POLA1: variants seen among roughly 807,000 people sequenced by gnomAD.
The protein encoded by POLA1 is DNA polymerase alpha catalytic subunit.
Under a neutral mutation model 124.0 loss-of-function variants are expected in POLA1, and 15 were observed. The observed-to-expected ratio is 0.12, with a 90% CI of 0.08 to 0.19. The LOEUF (loss-of-function observed/expected upper bound fraction) is 0.19. POLA1 is among the 10% of genes least tolerant of loss of function. POLA1 has a pLI of 1.00. For missense variants in POLA1, 886 were observed against 1,103.4 expected, an observed-to-expected ratio of 0.80 and a Z score of 2.79; for synonymous variants, 408 against 389.4, an observed-to-expected ratio of 1.05 and a Z score of -0.56.
intron 4 of POLA1, among the ~76,000 whole-genome samples, chrX:24,711,315 T>C (rs1422469083): frequency 8.9e-6 from 1 of 112,687 alleles, no homozygotes; most frequent in Non-Finnish European, 1.9e-5. Flanking sequence ...GATAATGTTA[T>C]AGAGGTTTTG....
chrX:24,807,515 G>T (rs1377072871), intron 26 of POLA1, among the ~76,000 whole-genome samples: 1 of 112,143 alleles, frequency 8.9e-6, no homozygotes, highest in Non-Finnish European at 1.9e-5. Context: ...TGAAGTTGGG[G>T]AGAGTGACTG....
intron 36 of POLA1, among the ~76,000 whole-genome samples, chrX:24,990,672 A>C (rs1667614056): frequency 8.9e-6 from 1 of 112,447 alleles, no homozygotes; most frequent in Non-Finnish European, 1.9e-5. Flanking sequence ...CATGCTTGTT[A>C]TTGTATTTAC....
At chrX:24,738,498 A>G (rs1233122446) in intron 19 of POLA1, among the ~76,000 whole-genome samples, 2 of 111,784 alleles carry the variant, frequency 1.8e-5, no homozygotes, top group Non-Finnish European at 3.8e-5. Flanking sequence ...GGAAAAAAGA[A>G]GGCAATAAAC....
At chrX:24,734,589 A>G (rs1931148788) in intron 17 of POLA1, among the ~76,000 whole-genome samples, 1 of 111,588 alleles carries the variant, frequency 9.0e-6, no homozygotes, top group African/African-American at 3.3e-5. Flanking sequence ...TAACCAGGTA[A>G]AATGACCTAG....
chrX:24,981,713 T>C (rs1203440926), intron 36 of POLA1, among the ~76,000 whole-genome samples: 1 of 112,409 alleles, frequency 8.9e-6, no homozygotes, highest in Non-Finnish European at 1.9e-5. Context: ...AAATTGTATA[T>C]GTCCATGTAA....
chrX:24,732,461 A>ATT lies in POLA1; in HGVS notation c.1771+15_1771+16dup. On this transcript the variant is annotated splice_region_variant and intron_variant, in intron 16 of 36. Transcript: ENST00000379068. ...TTTCAGTCACACTTCTGTGGTATGT[A>ATT]TTTTTTTTTAAGCTGGCTTACTAAC... is the stretch of plus-strand genomic sequence containing the variant. The ATT allele has an allele frequency of 9.3e-7, 1 of 1,070,681 alleles. No individual in the cohort carries two copies. 88.2% of individuals were successfully genotyped at this position (1,070,681 alleles called of 1,213,427 possible).
intron 26 of POLA1, among the ~76,000 whole-genome samples, chrX:24,809,670 A>G (rs1487450544): frequency 9.0e-6 from 1 of 111,204 alleles, no homozygotes; most frequent in African/African-American, 3.3e-5. Context: ...TGTGTTAAAC[A>G]TATATATGTA....
chrX:24,740,106 A>G (rs1034020274), intron 20 of POLA1, among the ~76,000 whole-genome samples: 2 of 111,334 alleles, frequency 1.8e-5, no homozygotes, highest in East Asian at 5.6e-4. Flanking sequence ...TACCTATTTT[A>G]CTTGATATCT....
chrX:24,833,175 T>A (rs1365205329), intron 32 of POLA1, among the ~76,000 whole-genome samples: 1 of 111,790 alleles, frequency 8.9e-6, no homozygotes, highest in African/African-American at 3.3e-5. Flanking sequence ...TTTCCATTCC[T>A]AAGTTATTTC....
intron 16 of POLA1, among the ~76,000 whole-genome samples, chrX:24,733,325 T>C (rs1401113765): frequency 1.1e-4 from 12 of 112,399 alleles, no homozygotes; most frequent in Non-Finnish European, 1.7e-4. Flanking sequence ...ACTTCCTCTA[T>C]GTACGTCACT....
At position 24,995,787 on chromosome X, in the gene POLA1, C is replaced by A; in HGVS notation, c.4262-18C>A. On this transcript the variant is annotated intron_variant, in intron 36 of 36. Transcript: ENST00000379068. ...AGAAACTACCTGAGACTTCTAATCTCTCTCTCTCTCTTTTTAGATAAATTG... is the reference window on the plus strand; with the variant it reads ...AGAAACTACCTGAGACTTCTAATCTATCTCTCTCTCTTTTTAGATAAATTG... The A allele has an allele frequency of 8.4e-7, 1 of 1,183,714 alleles. No individual in the cohort carries two copies. The highest frequency in any genetic ancestry group is 1.7e-5 in the African/African-American group (1 of 57,150).
rs753722200 is a variant in POLA1, at chrX:24,851,960, G to A, written c.4047+8283G>A. Among the ~76,000 whole-genome samples the A allele has an allele frequency of 3.6e-3, 405 of 112,581 alleles. 1 individual carries two copies. The highest frequency in any genetic ancestry group is 0.012 in the African/African-American group (368 of 31,036). On this transcript the variant is annotated intron_variant, in intron 34 of 36. Transcript: ENST00000379068. ...GGACTATCAGTTCTCTGCTGCATGC[G>A]TCAACAAGAGATGGGAGGAGAGCGC... is the stretch of plus-strand genomic sequence containing the variant.
intron 10 of POLA1, among the ~76,000 whole-genome samples, chrX:24,719,373 C>T (rs758385511): frequency 2.7e-5 from 3 of 111,672 alleles, no homozygotes; most frequent in Non-Finnish European, 5.6e-5. Context: ...AGCACACTGC[C>T]ATGTGTTAGT....
intron 26 of POLA1, among the ~76,000 whole-genome samples, chrX:24,752,244 A>G (rs1569296316): frequency 8.9e-6 from 1 of 112,445 alleles, no homozygotes; most frequent in Non-Finnish European, 1.9e-5. Flanking sequence ...TAAAAGTGCT[A>G]GTAGTTGTGT....
At chrX:24,707,219 G>C (rs887928141) in intron 4 of POLA1, among the ~76,000 whole-genome samples, 1 of 111,891 alleles carries the variant, frequency 8.9e-6, no homozygotes, top group Non-Finnish European at 1.9e-5. Context: ...GTTAATTGGC[G>C]GTGTCATCTT....
chrX:24,743,646 C>A (rs11573366), intron 23 of POLA1, among the ~76,000 whole-genome samples: 3,582 of 111,182 alleles, frequency 0.032, 164 homozygotes, highest in African/African-American at 0.11. Flanking sequence ...CATACTTAAG[C>A]TCATGGGTGG....
chrX:24,843,382 AAAGCGGTCTT>A (rs985242232), intron 33 of POLA1, among the ~76,000 whole-genome samples, 154 bp from the exon 34 acceptor site: 1 of 112,252 alleles, frequency 8.9e-6, no homozygotes, highest in African/African-American at 3.2e-5. Flanking sequence ...ATGTATGACT[AAAGCGGTCTT>A]TGGGAGGAAA....
At chrX:24,777,639 G>A (rs1423100954) in intron 26 of POLA1, among the ~76,000 whole-genome samples, 1 of 112,307 alleles carries the variant, frequency 8.9e-6, no homozygotes, top group African/African-American at 3.2e-5. Flanking sequence ...GTAAGAAGTA[G>A]ATATTTGCCT....
chrX:24,699,734 C>T (rs1309378861), intron 2 of POLA1, among the ~76,000 whole-genome samples, 185 bp downstream of exon 2: 1 of 110,219 alleles, frequency 9.1e-6, no homozygotes, highest in Non-Finnish European at 1.9e-5. Flanking sequence ...GGAGAATGTT[C>T]GACCCTTAAA....
Sources: gnomAD v4.1 joint callset for allele counts (sites outside exome capture counted in the v4.1 genomes callset) on GRCh38, gnomAD v4.1.1 for gene constraint, MANE v1.5 for transcripts, NCBI Gene and HGNC (gene_info 2026-07-23, HGNC 2026-07-21) for gene names.